The following TMCC1 variants were observed in gnomAD, a reference collection of about 807,000 sequenced individuals.
TMCC1 encodes the protein transmembrane and coiled-coil domain family 1.
Under a neutral mutation model 52.4 loss-of-function variants are expected in TMCC1, and 15 were observed. The ratio of observed to expected loss-of-function variants is 0.29; its 90% CI spans 0.19 to 0.44. The LOEUF is 0.44. Among genes scored for constraint, TMCC1 ranks in the 20% least tolerant of loss-of-function variants. The pLI, the probability that TMCC1 is intolerant of heterozygous loss-of-function variation, is 1.00. For synonymous variants in TMCC1, 279 were observed against 301.9 expected, an observed-to-expected ratio of 0.92 and a Z score of 0.79; for missense variants, 503 against 806.0, an observed-to-expected ratio of 0.62 and a Z score of 4.55.
rs570409248 is a variant in TMCC1, at chr3:129,865,518, A to G, written c.-184+14791T>C. On this transcript the variant is annotated intron_variant, in intron 2 of 6. Coordinates refer to ENST00000393238, the MANE Select transcript of TMCC1 (RefSeq NM_001017395.5). ...AGAAAAAATATGGATGGCTATCAAA[A>G]TAGCCCAAAGAGGATAGGGAGAAAA... Among the ~76,000 whole-genome samples, 3 of 152,184 alleles carry G rather than the reference A, an allele frequency of 2.0e-5. No homozygotes were observed. The East Asian group carries it at 5.8e-4, about 29-fold the overall frequency.
intron 2 of TMCC1, among the ~76,000 whole-genome samples, chr3:129,843,629 G>A (rs2059525350): frequency 6.6e-6 from 1 of 151,894 alleles, no homozygotes; most frequent in Non-Finnish European, 1.5e-5. Flanking sequence ...TGATAGCTTA[G>A]ATAAAATAAA....
chr3:129,768,154 A>G (rs1216093770), intron 4 of TMCC1, among the ~76,000 whole-genome samples: 1 of 152,182 alleles, frequency 6.6e-6, no homozygotes, highest in Non-Finnish European at 1.5e-5. Flanking sequence ...GCACCACTGT[A>G]TGACTGCACC....
In TMCC1 at chr3:129,786,076, A is replaced by G. The variant is rs568904352; in HGVS notation, c.576+41727T>C. Among the ~76,000 whole-genome samples, 5 of 152,054 alleles carry G rather than the reference A, an allele frequency of 3.3e-5. No homozygotes were observed. In the East Asian group the frequency reaches 9.7e-4, roughly 29 times the overall value. The stretch of plus-strand genomic sequence containing the variant: ...CAACCACCTGAACAGCTGGGATTAC[A>G]TTACAGGTGTGTGCCACCATGCCTG... On this transcript the variant is annotated intron_variant, in intron 4 of 6. Transcript: ENST00000393238.
chr3:129,892,045 T>A (rs1475033414), intron 1 of TMCC1, among the ~76,000 whole-genome samples: 1 of 152,232 alleles, frequency 6.6e-6, no homozygotes, highest in Non-Finnish European at 1.5e-5. Context: ...GTGCTTCTGT[T>A]TATCTTAAGA....
At chr3:129,749,183 T>C (rs1035134716) in intron 4 of TMCC1, among the ~76,000 whole-genome samples, 1 of 150,074 alleles carries the variant, frequency 6.7e-6, no homozygotes, top group East Asian at 2.0e-4. Flanking sequence ...GTAAGGAATC[T>C]GGGTAAAAAT....
chr3:129,802,670 C>G (rs1480390766), intron 4 of TMCC1, among the ~76,000 whole-genome samples: 1 of 152,142 alleles, frequency 6.6e-6, no homozygotes, highest in Admixed American at 6.5e-5. Flanking sequence ...GTAACCAAGA[C>G]AGTATTCCTG....
intron 2 of TMCC1, among the ~76,000 whole-genome samples, chr3:129,868,390 A>G (rs1296033179): frequency 6.6e-6 from 1 of 152,224 alleles, no homozygotes; most frequent in Non-Finnish European, 1.5e-5. Context: ...AAAAAGAAAC[A>G]ATACTGGAAT....
intron 2 of TMCC1, among the ~76,000 whole-genome samples, chr3:129,870,511 G>A (rs1031906722): frequency 4.0e-5 from 6 of 151,476 alleles, no homozygotes; most frequent in East Asian, 1.9e-4. Context: ...AGGCCGAGGC[G>A]GGCAGATCAT....
intron 4 of TMCC1, chr3:129,688,166 A>G (rs1167940311): frequency 2.0e-6 from 2 of 985,202 alleles, no homozygotes; most frequent in African/African-American, 3.5e-5. Flanking sequence ...ATCACAACAC[A>G]TTTATCTTAC....
Position 129,764,642 on chromosome 3 carries a change from C to A in TMCC1, c.576+63161G>T, listed in dbSNP as rs373253172. On this transcript the variant is annotated intron_variant, in intron 4 of 6. Coordinates refer to ENST00000393238, the MANE Select transcript of TMCC1 (RefSeq NM_001017395.5). The stretch of plus-strand genomic sequence containing the variant: ...ATCAACACCTGGGCAAAGAAAATCA[C>A]CCTTTTCAGATATTCCTAACTGTCA... Among the ~76,000 whole-genome samples the A allele has an allele frequency of 2.6e-5, 4 of 151,392 alleles. No individual in the cohort carries two copies. In the East Asian group the frequency reaches 7.8e-4, roughly 29 times the overall value.
chr3:129,865,927 G>A (rs762475704), intron 2 of TMCC1, among the ~76,000 whole-genome samples: 16 of 152,148 alleles, frequency 1.1e-4, no homozygotes, highest in Non-Finnish European at 1.8e-4. Context: ...AAATGCAGAT[G>A]TCCAGCAGGC....
At chr3:129,764,258 A>T (rs2053894603) in intron 4 of TMCC1, among the ~76,000 whole-genome samples, 1 of 152,238 alleles carries the variant, frequency 6.6e-6, no homozygotes, top group African/African-American at 2.4e-5. Flanking sequence ...TGATCAGTGG[A>T]TAGCAAGAAG....
chr3:129,702,012 A>T (rs1163999002), intron 4 of TMCC1, among the ~76,000 whole-genome samples: 1 of 152,180 alleles, frequency 6.6e-6, no homozygotes, highest in Non-Finnish European at 1.5e-5. Context: ...TAATAAAATA[A>T]TATTTTCAAT....
chr3:129,878,008 G>A (rs2061301821), intron 2 of TMCC1, among the ~76,000 whole-genome samples: 1 of 150,704 alleles, frequency 6.6e-6, no homozygotes, highest in African/African-American at 2.4e-5. Context: ...GCCCAGGCTG[G>A]AGTATAATGG....
At chr3:129,767,977 G>A (rs2054262941) in intron 4 of TMCC1, among the ~76,000 whole-genome samples, 1 of 152,196 alleles carries the variant, frequency 6.6e-6, no homozygotes, top group African/African-American at 2.4e-5. Flanking sequence ...GATCACCTGA[G>A]CCCAGGAGTT....
intron 4 of TMCC1, among the ~76,000 whole-genome samples, chr3:129,827,345 G>T (rs2058702343): frequency 1.3e-5 from 2 of 152,180 alleles, no homozygotes; most frequent in Non-Finnish European, 2.9e-5. Flanking sequence ...AATGAATGCT[G>T]CTGATGTACT....
chr3:129,876,261 T>C (rs183043077), intron 2 of TMCC1, among the ~76,000 whole-genome samples: 3 of 151,066 alleles, frequency 2.0e-5, no homozygotes, highest in African/African-American at 4.8e-5. Flanking sequence ...CACTAGTGAT[T>C]TGAACCCAGG....
chr3:129,850,821 T>TG (rs1387109831), intron 2 of TMCC1, among the ~76,000 whole-genome samples: 4 of 152,176 alleles, frequency 2.6e-5, no homozygotes, highest in African/African-American at 7.2e-5. Flanking sequence ...GTATCCCTTA[T>TG]GGGAAACGAA....
At chr3:129,692,057 T>G (rs971801324) in intron 4 of TMCC1, among the ~76,000 whole-genome samples, 1 of 152,200 alleles carries the variant, frequency 6.6e-6, no homozygotes, top group African/African-American at 2.4e-5. Context: ...CAAATTCACA[T>G]ACTTAAGGTA....
Sources: allele counts gnomAD v4.1 joint callset (sites outside exome capture counted in the v4.1 genomes callset), GRCh38; gene constraint gnomAD v4.1.1; transcripts MANE v1.5; gene names NCBI Gene and HGNC (gene_info 2026-07-23, HGNC 2026-07-21).